Variants in ATG16L1 observed in about 807,000 individuals in gnomAD.
ATG16L1 encodes autophagy-related protein 16-1.
ATG16L1 carries 37 observed loss-of-function variants against 88.5 expected under a neutral mutation model. The ratio of observed to expected loss-of-function variants is 0.42; its 90% CI spans 0.32 to 0.55. The LOEUF (loss-of-function observed/expected upper bound fraction) is 0.55, where lower values mean the gene tolerates loss of function less well. Ranked by LOEUF, ATG16L1 falls within the 20% of genes least tolerant of loss-of-function variation. The pLI, the probability that ATG16L1 is intolerant of heterozygous loss-of-function variation, is 0.13. For missense variants in ATG16L1, 554 were observed against 752.8 expected (o/e 0.74, Z 3.09); for synonymous variants, 301 against 281.0 (o/e 1.07, Z -0.71).
At chr2:233,271,524 C>T (rs1244212302) in intron 6 of ATG16L1, among the ~76,000 whole-genome samples, 3 of 152,220 alleles carry the variant, frequency 2.0e-5, no homozygotes, top group Non-Finnish European at 1.5e-5. Context: ...GTGATCTGCC[C>T]GCCTTGGCCT....
chr2:233,277,733 A>C, intron 10 of ATG16L1, 60 bp downstream of exon 10: 2 of 1,458,006 alleles, frequency 1.4e-6, no homozygotes, highest in African/African-American at 2.8e-5. Context: ...CTTGCACTGC[A>C]GAAAGAAGCT....
rs1389288310 is a variant in ATG16L1 at position 233,263,252 on chromosome 2, TC to T, written c.315+19del. 6.2e-7 allele frequency: 1 copy of T among 1,603,120 alleles called. No homozygotes were observed. The highest frequency in any genetic ancestry group is 8.5e-7 in the Non-Finnish European group (1 of 1,171,090). On this transcript the variant is annotated intron_variant, in intron 3 of 17. Transcript: ENST00000392017. ...CGTGGGGAGGTAAAGCTAGCCCTTT[TC>T]CTCATCTGTCTTCTGCCCTCTATGA...
chr2:233,290,103 G>A, intron 13 of ATG16L1, 129 bp downstream of exon 13: 2 of 1,514,054 alleles, frequency 1.3e-6, no homozygotes, highest in South Asian at 1.2e-5. Context: ...GTTTAGAGGG[G>A]CACTGAGGAT....
chr2:233,287,579 T>C (rs939479882), intron 12 of ATG16L1, among the ~76,000 whole-genome samples: 2 of 152,226 alleles, frequency 1.3e-5, no homozygotes, highest in African/African-American at 4.8e-5. Context: ...AAAATAGTTA[T>C]TCAGAATTTA....
At chr2:233,258,002 A>AG (rs1696918520) in intron 2 of ATG16L1, among the ~76,000 whole-genome samples, 1 of 68,282 alleles carries the variant, frequency 1.5e-5, no homozygotes, top group Non-Finnish European at 2.8e-5. Flanking sequence ...ACTCCGTCTC[A>AG]AAAAAAAAAA....
At chr2:233,260,870 G>A (rs1431936520) in intron 2 of ATG16L1, among the ~76,000 whole-genome samples, 1 of 152,116 alleles carries the variant, frequency 6.6e-6, no homozygotes, top group East Asian at 1.9e-4. Flanking sequence ...AACCATCCTT[G>A]TCTGGGGAAA....
chr2:233,253,321 G>A (rs889983457), intron 1 of ATG16L1, among the ~76,000 whole-genome samples: 1 of 148,628 alleles, frequency 6.7e-6, no homozygotes, highest in African/African-American at 2.5e-5. Flanking sequence ...GCAGGTTAAT[G>A]GTGAGACTGG....
intron 6 of ATG16L1, 103 bp downstream of exon 6, chr2:233,270,170 T>G (rs1376322559): frequency 1.9e-6 from 2 of 1,080,012 alleles, no homozygotes; most frequent in Admixed American, 6.3e-5. Flanking sequence ...TGAGACAGGG[T>G]CTTGCTCTGT....
At chr2:233,256,225 G>A (rs1452273320) in intron 2 of ATG16L1, 30 bp downstream of exon 2, 2 of 1,566,884 alleles carry the variant, frequency 1.3e-6, no homozygotes, top group East Asian at 2.2e-5. Flanking sequence ...TATTATTTAT[G>A]TCTCCTCTAA....
intron 10 of ATG16L1, among the ~76,000 whole-genome samples, chr2:233,279,915 A>C (rs573640109): frequency 6.6e-6 from 1 of 152,372 alleles, no homozygotes; most frequent in Admixed American, 6.5e-5. Flanking sequence ...TTTTAAGCAT[A>C]AGCCAAAGAG....
intron 2 of ATG16L1, among the ~76,000 whole-genome samples, chr2:233,261,571 A>G (rs893172709): frequency 1.3e-5 from 2 of 152,164 alleles, no homozygotes; most frequent in East Asian, 1.9e-4. Context: ...ACATATAGAG[A>G]TGGAAGGACT....
chr2:233,270,932 G>T (rs1451917271), intron 6 of ATG16L1, among the ~76,000 whole-genome samples: 1 of 152,110 alleles, frequency 6.6e-6, no homozygotes, highest in Non-Finnish European at 1.5e-5. Flanking sequence ...TAAGTGGAGG[G>T]GTTTAAATTC....
intron 2 of ATG16L1, 109 bp downstream of exon 2, chr2:233,256,304 C>A: frequency 1.1e-6 from 1 of 905,846 alleles, no homozygotes; most frequent in African/African-American, 1.7e-5. Flanking sequence ...TTCTGTGTTC[C>A]AGTTTTTGTC....
chr2:233,252,252 TG>T (rs1696426577), intron 1 of ATG16L1, among the ~76,000 whole-genome samples: 1 of 152,210 alleles, frequency 6.6e-6, no homozygotes, highest in Non-Finnish European at 1.5e-5. Flanking sequence ...ATCCCATCTA[TG>T]GGGTCATGTT....
At chr2:233,266,834 T>A (rs546967008) in intron 5 of ATG16L1, among the ~76,000 whole-genome samples, 1 of 152,310 alleles carries the variant, frequency 6.6e-6, no homozygotes, top group Non-Finnish European at 1.5e-5. Flanking sequence ...TACAACCACT[T>A]GGATGGAACT....
rs2125183593 is a variant in ATG16L1 at position 233,251,923 on chromosome 2, C to T, written c.96C>T (p.Phe32=). The T allele has an allele frequency of 6.5e-7, 1 of 1,549,494 alleles. No homozygotes were observed. The highest frequency in any genetic ancestry group is 2.4e-5 in the East Asian group (1 of 40,916). Residue 32 remains phenylalanine, a synonymous_variant, in exon 1 of 18, where the codon TTC becomes TTT. Transcript: ENST00000392017. ...RRRDRLQRQA[F]EEIILQYNKL... ...GGGACCGGCTGCAGAGACAGGCGTT[C>T]GAGGAGATCATCCTGCAGTGTGAGC...
Position 233,274,794 on chromosome 2 carries a change from C to T in ATG16L1, c.954+16C>T, listed in dbSNP as rs146899162. On this transcript the variant is annotated intron_variant, in intron 9 of 17. Transcript: ENST00000392017. ...GTGTGTCTTCGTAAGTATGCTTCAG[C>T]CCCGAACCCTACCACGCTTGATATG... 1.8e-3 allele frequency: 2,918 copies of T among 1,584,372 alleles called. 7 individuals carry two copies. The highest frequency in any genetic ancestry group is 2.4e-3 in the Non-Finnish European group (2,719 of 1,153,606).
rs568742666 is a variant in ATG16L1 at position 233,279,324 on chromosome 2, T to TAG, written c.1060+1654_1060+1655dup. Among the ~76,000 whole-genome samples the TAG allele has an allele frequency of 8.2e-4, 125 of 151,574 alleles. 4 individuals are homozygous for TAG. The South Asian group carries it at 0.026, about 31-fold the overall frequency. ...TCAGTAAAAACACCTATAAGAAAAT[T>TAG]AGAGGTACCAACCTTTAATTCTAGT... On this transcript the variant is annotated intron_variant, in intron 10 of 17. Coordinates refer to ENST00000392017, the MANE Select transcript of ATG16L1 (RefSeq NM_030803.7).
chr2:233,281,060 G>C (rs781690920), intron 10 of ATG16L1, 45 bp from the exon 11 acceptor site: 1 of 1,308,554 alleles, frequency 7.6e-7, no homozygotes, highest in Non-Finnish European at 1.1e-6. Flanking sequence ...GTATTTATTG[G>C]CTTTATTTAA....
Sources: allele counts gnomAD v4.1 joint callset (sites outside exome capture counted in the v4.1 genomes callset), GRCh38; gene constraint gnomAD v4.1.1; transcripts MANE v1.5; gene names NCBI Gene and HGNC (gene_info 2026-07-23, HGNC 2026-07-21).